Variants in MYT1L observed in about 807,000 individuals in gnomAD.
MYT1L encodes the protein myelin transcription factor 1 like.
A neutral mutation model predicts 126.7 loss-of-function variants in MYT1L; 12 were observed. The ratio of observed to expected loss-of-function variants is 0.09; its 90% CI spans 0.06 to 0.15. The LOEUF (loss-of-function observed/expected upper bound fraction) is 0.15. Among genes scored for constraint, MYT1L ranks in the 10% least tolerant of loss-of-function variants. MYT1L has a pLI of 1.00. For synonymous variants in MYT1L, 541 were observed against 604.2 expected, an observed-to-expected ratio of 0.90 and a Z score of 1.53; for missense variants, 979 against 1,585.2, an observed-to-expected ratio of 0.62 and a Z score of 6.49.
chr2:2,282,742 T>C (rs1440433743), intron 2 of MYT1L, among the ~76,000 whole-genome samples: 1 of 152,218 alleles, frequency 6.6e-6, no homozygotes, highest in Non-Finnish European at 1.5e-5. Flanking sequence ...TAAAGTAGAA[T>C]GCTAGATGAG....
intron 2 of MYT1L, among the ~76,000 whole-genome samples, chr2:2,234,096 C>G (rs1189461515): frequency 6.6e-6 from 1 of 152,164 alleles, no homozygotes; most frequent in Non-Finnish European, 1.5e-5. Flanking sequence ...TTTATCAGGT[C>G]AAGAAGTGAC....
chr2:1,818,956 A>G (rs7598200), intron 21 of MYT1L, among the ~76,000 whole-genome samples: 3,279 of 152,290 alleles, frequency 0.022, 130 homozygotes, highest in African/African-American at 0.073. Context: ...GTGGTGCAGA[A>G]AGTGCAGCTG....
intron 2 of MYT1L, among the ~76,000 whole-genome samples, chr2:2,238,680 T>C (rs1236527217): frequency 6.6e-6 from 1 of 152,254 alleles, no homozygotes; most frequent in Non-Finnish European, 1.5e-5. Flanking sequence ...AATCTCCGTG[T>C]AGGAGCTCTG....
intron 8 of MYT1L, among the ~76,000 whole-genome samples, chr2:1,955,403 C>G (rs896605108): frequency 6.6e-6 from 1 of 152,102 alleles, no homozygotes; most frequent in Non-Finnish European, 1.5e-5. Flanking sequence ...GAATTATGAT[C>G]ATGCCTACAA....
chr2:1,839,316 G>C lies in MYT1L; in HGVS notation c.2913C>G (p.Ser971=), dbSNP rs778693756. ...GQGHITGKYA[S]HRSASGCPLA... ...AGGGGCACCCGGAGGCGCTGCGATG[G>C]GACGCGTACTTCCCAGTGATGTGGC... The change falls in exon 21 of 25, where the codon TCC becomes TCG. Residue 971 remains serine, a synonymous_variant. Coordinates refer to ENST00000647738, the MANE Select transcript of MYT1L (RefSeq NM_001303052.2). 2.0e-5 allele frequency: 33 copies of C among 1,613,436 alleles called. 1 individual carries two copies. The South Asian group carries it at 3.4e-4, about 17-fold the overall frequency.
At chr2:2,060,120 C>T (rs563878111) in intron 3 of MYT1L, among the ~76,000 whole-genome samples, 38 of 152,304 alleles carry the variant, frequency 2.5e-4, no homozygotes, top group Non-Finnish European at 2.9e-5. Flanking sequence ...AGCCACAACA[C>T]CTGGGCACAT....
chr2:2,057,689 T>C (rs1419599528), intron 3 of MYT1L, among the ~76,000 whole-genome samples: 2 of 152,198 alleles, frequency 1.3e-5, no homozygotes, highest in African/African-American at 4.8e-5. Flanking sequence ...GTTCTATAAA[T>C]GAAGTCATAC....
At chr2:2,252,376 C>T (rs2094677346) in intron 2 of MYT1L, among the ~76,000 whole-genome samples, 1 of 152,176 alleles carries the variant, frequency 6.6e-6, no homozygotes, top group African/African-American at 2.4e-5. Flanking sequence ...ATCTCAGCTC[C>T]AGCCCTGGTC....
intron 2 of MYT1L, among the ~76,000 whole-genome samples, chr2:2,192,561 G>T (rs1391882639): frequency 6.6e-6 from 1 of 152,070 alleles, no homozygotes; most frequent in African/African-American, 2.4e-5. Flanking sequence ...GCAGTGGGTG[G>T]ATATCGTCAC....
At chr2:2,220,727 A>G (rs888714289) in intron 2 of MYT1L, among the ~76,000 whole-genome samples, 2 of 152,128 alleles carry the variant, frequency 1.3e-5, no homozygotes, top group Admixed American at 1.3e-4. Context: ...ATGTTATGCC[A>G]GAGTCAGTTT....
chr2:2,266,882 A>G lies in MYT1L; in HGVS notation c.-421+17522T>C, dbSNP rs561113595. Reference sequence around the variant, plus strand: ...CTTTGCTTCTCCCTTGCCTTCTGCCATGATTGTGAGGCCTCCCACGTGGAA... The same window carrying G: ...CTTTGCTTCTCCCTTGCCTTCTGCCGTGATTGTGAGGCCTCCCACGTGGAA... On this transcript the variant is annotated intron_variant, in intron 2 of 24. Transcript: ENST00000647738. 7.9e-5 allele frequency among the ~76,000 whole-genome samples: 12 copies of G among 152,284 alleles called. No individual in the cohort carries two copies. The South Asian group carries it at 1.0e-3, about 13-fold the overall frequency.
intron 22 of MYT1L, among the ~76,000 whole-genome samples, 157 bp downstream of exon 22, chr2:1,808,919 A>C (rs1012126974): frequency 6.6e-6 from 1 of 152,222 alleles, no homozygotes; most frequent in Non-Finnish European, 1.5e-5. Context: ...GCTTTTTCTC[A>C]AGTTGCTTCG....
Position 2,123,515 on chromosome 2 carries a change from C to G in MYT1L, c.-304+49357G>C, listed in dbSNP as rs75245426. Among the ~76,000 whole-genome samples, 1,120 of 152,254 alleles carry G rather than the reference C, an allele frequency of 7.4e-3. 15 individuals carry two copies. The highest frequency in any genetic ancestry group is 0.025 in the African/African-American group (1,058 of 41,540). Reference sequence around the variant, plus strand: ...TTTTCCCCTTGCTGTTCTCACGACACTGAGTTCTCGCAAGACCTGGTTGTT... The same window carrying G: ...TTTTCCCCTTGCTGTTCTCACGACAGTGAGTTCTCGCAAGACCTGGTTGTT... On this transcript the variant is annotated intron_variant, in intron 3 of 24. Transcript: ENST00000647738.
chr2:2,123,159 G>A (rs894199805), intron 3 of MYT1L, among the ~76,000 whole-genome samples: 1 of 152,118 alleles, frequency 6.6e-6, no homozygotes, highest in Non-Finnish European at 1.5e-5. Flanking sequence ...TGAAGGCTCA[G>A]GCTATGTTGG....
At chr2:2,075,441 C>T (rs2075109623) in intron 3 of MYT1L, among the ~76,000 whole-genome samples, 1 of 152,100 alleles carries the variant, frequency 6.6e-6, no homozygotes, top group Admixed American at 6.5e-5. Flanking sequence ...CCATCTGAGG[C>T]TGTAGAAGTA....
At chr2:1,994,397 C>T (rs1426459208) in intron 5 of MYT1L, among the ~76,000 whole-genome samples, 1 of 151,170 alleles carries the variant, frequency 6.6e-6, no homozygotes, top group African/African-American at 2.4e-5. Context: ...CCCAGCGAGT[C>T]CTCCTGGGGG....
intron 2 of MYT1L, among the ~76,000 whole-genome samples, chr2:2,264,209 T>C (rs892918089): frequency 1.3e-5 from 2 of 152,088 alleles, no homozygotes; most frequent in East Asian, 3.9e-4. Context: ...TGGATCTCTA[T>C]CTCATGCAAG....
chr2:2,312,535 C>T (rs188832245), intron 1 of MYT1L, among the ~76,000 whole-genome samples: 7 of 152,118 alleles, frequency 4.6e-5, no homozygotes, highest in Admixed American at 2.0e-4. Flanking sequence ...ATTACTTGAA[C>T]GTGGGAGGAA....
chr2:2,223,778 A>G (rs1050661794), intron 2 of MYT1L, among the ~76,000 whole-genome samples: 1 of 152,184 alleles, frequency 6.6e-6, no homozygotes, highest in Admixed American at 6.5e-5. Flanking sequence ...TTATGTTTCC[A>G]TTTTCATTTT....
Sources: allele counts gnomAD v4.1 joint callset (sites outside exome capture counted in the v4.1 genomes callset), GRCh38; gene constraint gnomAD v4.1.1; transcripts MANE v1.5; gene names NCBI Gene and HGNC (gene_info 2026-07-23, HGNC 2026-07-21).